CATSPERB: variants seen among roughly 807,000 people sequenced by gnomAD.
The protein encoded by CATSPERB is cation channel sperm-associated auxiliary subunit beta.
CATSPERB carries 93 observed loss-of-function variants against 128.3 expected under a neutral mutation model. The ratio of observed to expected loss-of-function variants is 0.72; its 90% confidence interval spans 0.61 to 0.86. The LOEUF (loss-of-function observed/expected upper bound fraction) is 0.86. Among genes scored for constraint, CATSPERB ranks in the 40% least tolerant of loss-of-function variants. CATSPERB has a pLI of 0.00. For missense variants in CATSPERB, 1,153 were observed against 1,329.5 expected (o/e 0.87, Z 2.06); for synonymous variants, 381 against 448.8 (o/e 0.85, Z 1.91).
chr14:91,663,436 G>T (rs1190515753), intron 14 of CATSPERB, among the ~76,000 whole-genome samples: 1 of 152,080 alleles, frequency 6.6e-6, no homozygotes, highest in Non-Finnish European at 1.5e-5. Flanking sequence ...ACGAGGTCAG[G>T]AGATCGAGAC....
chr14:91,636,540 G>T lies in CATSPERB; in HGVS notation c.1627C>A (p.His543Asn). The change falls in exon 17 of 27, where the codon CAC becomes AAC. Residue 543 changes from histidine (H) to asparagine (N), a missense_variant. Coordinates refer to ENST00000256343, the MANE Select transcript of CATSPERB (RefSeq NM_024764.4). ...AAGATAATTTCATCTAAGGAGGTGT[G>T]CTGTGGGGCAAGCGCAGTCTCAAAG... ...MGFETALAPQHTSLDEIIFFA... is the reference protein window; with the variant it reads ...MGFETALAPQNTSLDEIIFFA... The T allele has an allele frequency of 6.2e-7, 1 of 1,614,086 alleles. No homozygotes were observed. The highest frequency in any genetic ancestry group is 8.5e-7 in the Non-Finnish European group (1 of 1,180,014).
intron 11 of CATSPERB, among the ~76,000 whole-genome samples, chr14:91,681,765 G>T (rs948774628): frequency 6.6e-6 from 1 of 152,114 alleles, no homozygotes; most frequent in East Asian, 1.9e-4. Context: ...GTCAAAAATG[G>T]ATGGGACTTA....
chr14:91,689,400 G>C (rs1895429218), intron 10 of CATSPERB, among the ~76,000 whole-genome samples: 1 of 152,198 alleles, frequency 6.6e-6, no homozygotes, highest in Non-Finnish European at 1.5e-5. Flanking sequence ...GAGCCCAGCT[G>C]TCCAGTGGCC....
chr14:91,703,948 T>C (rs1387917427), intron 7 of CATSPERB, among the ~76,000 whole-genome samples: 2 of 152,150 alleles, frequency 1.3e-5, no homozygotes, highest in Non-Finnish European at 2.9e-5. Flanking sequence ...GACAGTCTTG[T>C]GGGACTGAGC....
At chr14:91,644,046 T>G (rs1470522994) in intron 15 of CATSPERB, among the ~76,000 whole-genome samples, 1 of 139,082 alleles carries the variant, frequency 7.2e-6, no homozygotes, top group Non-Finnish European at 1.6e-5. Context: ...TGCCTTTTTT[T>G]GTTTTCCATT....
rs774265745 is a variant in CATSPERB at position 91,621,822 on chromosome 14, G to C, written c.2046C>G (p.Thr682=). 32 of 1,613,940 alleles carry C rather than the reference G, an allele frequency of 2.0e-5. No homozygotes were observed. The highest frequency in any genetic ancestry group is 2.6e-5 in the Non-Finnish European group (31 of 1,179,946). The change falls in exon 19 of 27, where the codon ACC becomes ACG. Residue 682 remains threonine (T), a synonymous_variant. Transcript: ENST00000256343. ...LDNKNALAIA[T]MPESAPNNMT... ...TATTGTTGGGTGCACTTTCAGGCAT[G>C]GTAGCAATGGCTAATGCATTCTTAT...
At chr14:91,610,843 TG>T (rs1893812328) in intron 20 of CATSPERB, among the ~76,000 whole-genome samples, 166 bp from the exon 21 acceptor site, 1 of 152,200 alleles carries the variant, frequency 6.6e-6, no homozygotes, top group South Asian at 2.1e-4. Flanking sequence ...TGAGGTCATT[TG>T]GGTGGGCCCC....
chr14:91,687,546 T>C (rs1046839936), intron 10 of CATSPERB, among the ~76,000 whole-genome samples: 3 of 152,222 alleles, frequency 2.0e-5, no homozygotes, highest in Admixed American at 6.5e-5. Flanking sequence ...TGCCTTTATC[T>C]TGGACTGTCC....
chr14:91,624,324 T>C (rs751925428), intron 18 of CATSPERB, among the ~76,000 whole-genome samples: 5 of 152,098 alleles, frequency 3.3e-5, no homozygotes, highest in Non-Finnish European at 5.9e-5. Context: ...TCTACTAAAA[T>C]ACAAAAGAGA....
Position 91,729,787 on chromosome 14 carries a change from C to T in CATSPERB, c.1-308G>A, listed in dbSNP as rs116729725. On this transcript the variant is annotated intron_variant, in intron 1 of 26. Transcript: ENST00000256343. Reference sequence around the variant, plus strand: ...ACAGCTATGTAAAACAGAGCCTGAACTGATGAAGACTCTGAGGATGATACA... The same window carrying T: ...ACAGCTATGTAAAACAGAGCCTGAATTGATGAAGACTCTGAGGATGATACA... Among the ~76,000 whole-genome samples the T allele has an allele frequency of 5.2e-3, 790 of 152,294 alleles. 7 individuals are homozygous for T. The highest frequency in any genetic ancestry group is 0.018 in the African/African-American group (739 of 41,558).
chr14:91,637,842 A>G (rs568982811), intron 16 of CATSPERB, among the ~76,000 whole-genome samples: 86 of 152,230 alleles, frequency 5.6e-4, no homozygotes, highest in Non-Finnish European at 1.0e-3. Context: ...GGGAACTAAG[A>G]AACTTTCTAC....
At chr14:91,594,433 A>T (rs902286339) in intron 22 of CATSPERB, among the ~76,000 whole-genome samples, 1 of 152,030 alleles carries the variant, frequency 6.6e-6, no homozygotes, top group Non-Finnish European at 1.5e-5. Flanking sequence ...CATATGTGAC[A>T]AACCTGCACG....
intron 20 of CATSPERB, among the ~76,000 whole-genome samples, chr14:91,611,931 C>T (rs1893836151): frequency 1.3e-5 from 2 of 152,168 alleles, no homozygotes; most frequent in Admixed American, 6.5e-5. Context: ...CAACTCATAT[C>T]GTTGAGGCTT....
At chr14:91,679,940 C>G (rs1895251774) in intron 11 of CATSPERB, among the ~76,000 whole-genome samples, 2 of 152,106 alleles carry the variant, frequency 1.3e-5, no homozygotes, top group Non-Finnish European at 2.9e-5. Context: ...GATGGACATA[C>G]CTCATCTAAA....
chr14:91,665,898 C>T (rs182561356), intron 14 of CATSPERB, among the ~76,000 whole-genome samples: 1 of 152,208 alleles, frequency 6.6e-6, no homozygotes, highest in African/African-American at 2.4e-5. Context: ...TATGGTTAGG[C>T]TTTGTGTCCC....
At chr14:91,633,716 C>T (rs998224747) in intron 17 of CATSPERB, among the ~76,000 whole-genome samples, 5 of 151,598 alleles carry the variant, frequency 3.3e-5, no homozygotes, top group South Asian at 2.1e-4. Context: ...AATAGATACA[C>T]GAGAAATATT....
chr14:91,664,344 C>A (rs967676319), intron 14 of CATSPERB, among the ~76,000 whole-genome samples: 5 of 145,828 alleles, frequency 3.4e-5, no homozygotes, highest in African/African-American at 7.5e-5. Context: ...CGGCTCACTG[C>A]AACCTCTGCC....
intron 20 of CATSPERB, among the ~76,000 whole-genome samples, chr14:91,616,994 T>G (rs1340260590): frequency 4.6e-5 from 7 of 152,272 alleles, no homozygotes; most frequent in African/African-American, 1.7e-4. Flanking sequence ...TCCACCCGCC[T>G]TGGCCTCCCA....
chr14:91,625,000 C>A lies in CATSPERB; in HGVS notation c.1750G>T (p.Gly584Ter). The A allele has an allele frequency of 6.4e-7, 1 of 1,569,770 alleles. No individual in the cohort carries two copies. The highest frequency in any genetic ancestry group is 8.6e-7 in the Non-Finnish European group (1 of 1,164,878). Reference sequence around the variant, plus strand: ...AATACCTTTCTTATGTAAGCTCTTCCAGTTTTCCTAAAAACAAATAAAACC... The same window carrying A: ...AATACCTTTCTTATGTAAGCTCTTCAAGTTTTCCTAAAAACAAATAAAACC... Reference protein sequence around the residue: ...YGKVIHSGKTGRAYIRKVLQH... With the variant: ...YGKVIHSGKT The change falls in exon 18 of 27, where the codon GGA becomes TGA. Residue 584 changes from glycine to a stop codon, truncating the protein, a stop_gained. Transcript: ENST00000256343. LOFTEE classifies it high-confidence loss of function.
Sources: gnomAD v4.1 joint callset for allele counts (sites outside exome capture counted in the v4.1 genomes callset) on GRCh38, gnomAD v4.1.1 for gene constraint, MANE v1.5 for transcripts, NCBI Gene and HGNC (gene_info 2026-07-23, HGNC 2026-07-21) for gene names.